UNC5D: variants seen among roughly 807,000 people sequenced by gnomAD.
UNC5D encodes the protein netrin receptor UNC5D.
UNC5D carries 39 observed loss-of-function variants against 105.4 expected under a neutral mutation model. The observed-to-expected ratio is 0.37, with a 90% CI of 0.29 to 0.48. The LOEUF is 0.48. Among genes scored for constraint, UNC5D ranks in the 20% least tolerant of loss-of-function variants. The probability of loss-of-function intolerance (pLI) is 0.98; values close to 1 mark genes in which losing one functional copy is unlikely to be tolerated. For missense variants in UNC5D, 991 were observed against 1,202.4 expected (o/e 0.82, Z 2.60); for synonymous variants, 452 against 450.4 (o/e 1.00, Z -0.04).
chr8:35,279,166 T>A lies in UNC5D; in HGVS notation c.103+43279T>A, dbSNP rs149097598. On this transcript the variant is annotated intron_variant, in intron 1 of 16. Coordinates refer to ENST00000404895, the MANE Select transcript of UNC5D (RefSeq NM_080872.4). ...GGCCACGGAGTATGCTGAATTCTAA[T>A]GATGCTGTGTACACTCAATGCCTGT... Among the ~76,000 whole-genome samples the A allele has an allele frequency of 2.8e-3, 427 of 152,344 alleles. 2 individuals are homozygous for A. The highest frequency in any genetic ancestry group is 9.7e-3 in the African/African-American group (402 of 41,578).
At chr8:35,296,870 C>T (rs1374996730) in intron 1 of UNC5D, among the ~76,000 whole-genome samples, 3 of 152,172 alleles carry the variant, frequency 2.0e-5, no homozygotes, top group Admixed American at 2.0e-4. Flanking sequence ...ACTGTGATAC[C>T]CATATTTTTA....
Position 35,568,127 on chromosome 8 carries a change from G to A in UNC5D, c.352G>A (p.Val118Ile). Residue 118 changes from valine to isoleucine, a missense_variant, in exon 3 of 17, where the codon GTT (valine) becomes ATT (isoleucine). Val to Ile is a conservative substitution (Grantham distance 29). Coordinates refer to ENST00000404895, the MANE Select transcript of UNC5D (RefSeq NM_080872.4). ...GAAGGTCCGCGAAGTGTTCATCAAT[G>A]TTACTAGGCAACAGGTGGAGGACTT... The part of the protein sequence containing the change: ...GLKVREVFIN[V>I]TRQQVEDFHG... The A allele has an allele frequency of 1.9e-6, 3 of 1,614,202 alleles. No homozygotes were observed. The highest frequency in any genetic ancestry group is 2.5e-6 in the Non-Finnish European group (3 of 1,180,030).
chr8:35,292,213 A>C (rs1423528208), intron 1 of UNC5D, among the ~76,000 whole-genome samples: 1 of 152,132 alleles, frequency 6.6e-6, no homozygotes, highest in East Asian at 1.9e-4. Context: ...TCTTCCCTTC[A>C]CTAGTTTCCC....
intron 1 of UNC5D, among the ~76,000 whole-genome samples, chr8:35,447,670 A>G (rs1002469253): frequency 6.6e-6 from 1 of 152,090 alleles, no homozygotes; most frequent in African/African-American, 2.4e-5. Flanking sequence ...AATGAACAAC[A>G]TATTTTATTA....
Position 35,317,314 on chromosome 8 carries a change from C to A in UNC5D, c.103+81427C>A, listed in dbSNP as rs538040914. Among the ~76,000 whole-genome samples, 10 of 152,232 alleles carry A rather than the reference C, an allele frequency of 6.6e-5. No homozygotes were observed. In the East Asian group the frequency reaches 1.9e-3, roughly 29 times the overall value. On this transcript the variant is annotated intron_variant, in intron 1 of 16. Transcript: ENST00000404895. ...TGTTTGCTGATAGATAACACCTCTT[C>A]TCAAAGAGTTAAATTGGTTCTGTAA...
At chr8:35,411,603 C>T (rs910968166) in intron 1 of UNC5D, among the ~76,000 whole-genome samples, 1 of 152,032 alleles carries the variant, frequency 6.6e-6, no homozygotes, top group Non-Finnish European at 1.5e-5. Context: ...GCTTGAATAT[C>T]ACCTATTTAA....
chr8:35,356,529 A>G (rs544823279), intron 1 of UNC5D, among the ~76,000 whole-genome samples: 2 of 152,162 alleles, frequency 1.3e-5, no homozygotes, highest in Non-Finnish European at 1.5e-5. Flanking sequence ...AGTTTGAGGT[A>G]TGACAGCAAA....
intron 1 of UNC5D, among the ~76,000 whole-genome samples, chr8:35,263,061 C>A (rs1264397862): frequency 6.6e-6 from 1 of 152,198 alleles, no homozygotes; most frequent in East Asian, 1.9e-4. Flanking sequence ...ACTTTATACT[C>A]CAACCACAAA....
At chr8:35,562,537 G>A (rs1798436867) in intron 2 of UNC5D, among the ~76,000 whole-genome samples, 1 of 152,000 alleles carries the variant, frequency 6.6e-6, no homozygotes, top group African/African-American at 2.4e-5. Flanking sequence ...TAACTGGGGT[G>A]AGATGTGGTT....
At chr8:35,352,681 C>T (rs1397576302) in intron 1 of UNC5D, among the ~76,000 whole-genome samples, 3 of 152,076 alleles carry the variant, frequency 2.0e-5, no homozygotes, top group African/African-American at 7.2e-5. Flanking sequence ...AGCACAATCT[C>T]GGCTCATTGC....
chr8:35,399,567 G>A (rs980748301), intron 1 of UNC5D, among the ~76,000 whole-genome samples: 3 of 151,860 alleles, frequency 2.0e-5, no homozygotes, highest in Non-Finnish European at 4.4e-5. Flanking sequence ...TTCTACATCT[G>A]GGCATCACAA....
At chr8:35,698,614 T>C (rs905104730) in intron 7 of UNC5D, among the ~76,000 whole-genome samples, 2 of 152,196 alleles carry the variant, frequency 1.3e-5, no homozygotes, top group African/African-American at 4.8e-5. Flanking sequence ...AGGTGAATAA[T>C]ATTTCATTGT....
intron 1 of UNC5D, among the ~76,000 whole-genome samples, chr8:35,395,920 CCTGA>C (rs1804068286): frequency 6.6e-6 from 1 of 152,120 alleles, no homozygotes; most frequent in Admixed American, 6.5e-5. Flanking sequence ...GGAAATTTGA[CCTGA>C]CTGTCAGGAA....
At chr8:35,731,144 A>G (rs1181607300) in intron 11 of UNC5D, 48 bp downstream of exon 11, 1 of 1,577,110 alleles carries the variant, frequency 6.3e-7, no homozygotes, top group Non-Finnish European at 8.7e-7. Context: ...CACGCCTGTA[A>G]TCCCAGTACT....
At chr8:35,572,266 C>T (rs992261557) in intron 3 of UNC5D, among the ~76,000 whole-genome samples, 4 of 100,746 alleles carry the variant, frequency 4.0e-5, no homozygotes, top group Non-Finnish European at 7.1e-5. Flanking sequence ...CCAGCCTGAG[C>T]GAGACTGTCA....
intron 13 of UNC5D, among the ~76,000 whole-genome samples, chr8:35,756,848 T>A (rs1830543757): frequency 6.6e-6 from 1 of 152,206 alleles, no homozygotes. Context: ...AACAAGTCAC[T>A]TCATTTCCTG....
intron 1 of UNC5D, among the ~76,000 whole-genome samples, chr8:35,347,702 G>A (rs2128907550): frequency 6.6e-6 from 1 of 152,046 alleles, no homozygotes; most frequent in South Asian, 2.1e-4. Context: ...ATCAGAGGCA[G>A]CAAAGAGAGA....
At chr8:35,751,912 G>A (rs1056779653) in intron 13 of UNC5D, among the ~76,000 whole-genome samples, 2 of 152,090 alleles carry the variant, frequency 1.3e-5, no homozygotes, top group African/African-American at 4.8e-5. Flanking sequence ...GAACAAAACA[G>A]AAAGGAACAC....
At chr8:35,482,087 G>A (rs1240126390) in intron 1 of UNC5D, among the ~76,000 whole-genome samples, 1 of 152,182 alleles carries the variant, frequency 6.6e-6, no homozygotes, top group Non-Finnish European at 1.5e-5. Context: ...CTTTCTTGAA[G>A]TAGGGTCAAA....
Sources: gnomAD v4.1 joint callset for allele counts (sites outside exome capture counted in the v4.1 genomes callset) on GRCh38, gnomAD v4.1.1 for gene constraint, MANE v1.5 for transcripts, NCBI Gene and HGNC (gene_info 2026-07-23, HGNC 2026-07-21) for gene names.